Variants in AKAP9 observed in about 807,000 individuals in gnomAD.
AKAP9 encodes the protein A-kinase anchoring protein 9.
A neutral mutation model predicts 488.5 loss-of-function variants in AKAP9; 311 were observed. That is an observed-to-expected ratio of 0.64 (90% CI 0.58 to 0.70). The LOEUF (loss-of-function observed/expected upper bound fraction) is 0.70. AKAP9 is among the 30% of genes least tolerant of loss of function. AKAP9 has a pLI of 0.00. For missense variants in AKAP9, 4,215 were observed against 4,374.5 expected (o/e 0.96, Z 1.03); for synonymous variants, 1,462 against 1,483.5 (o/e 0.99, Z 0.33).
intron 14 of AKAP9, 89 bp downstream of exon 14, chr7:92,023,098 C>T: frequency 7.2e-7 from 1 of 1,398,088 alleles, no homozygotes; most frequent in African/African-American, 1.4e-5. Flanking sequence ...AAAAAAGTAA[C>T]TTAAGCAAAG....
chr7:91,960,925 A>G (rs1463585317), intron 1 of AKAP9, among the ~76,000 whole-genome samples: 1 of 152,212 alleles, frequency 6.6e-6, no homozygotes, highest in Non-Finnish European at 1.5e-5. Flanking sequence ...CTCCTTAAAT[A>G]TATATAGGAC....
At chr7:92,054,412 T>G (rs116900723) in intron 22 of AKAP9, among the ~76,000 whole-genome samples, 271 of 152,236 alleles carry the variant, frequency 1.8e-3, no homozygotes, top group Middle Eastern at 3.4e-3. Flanking sequence ...TGTAATATCT[T>G]TGCGTTTTCA....
chr7:92,046,708 A>C (rs1807067198), intron 21 of AKAP9, among the ~76,000 whole-genome samples: 1 of 152,158 alleles, frequency 6.6e-6, no homozygotes, highest in African/African-American at 2.4e-5. Flanking sequence ...CTGCATATGG[A>C]TCTTTATAGA....
Position 92,001,541 on chromosome 7 carries a change from G to A in AKAP9, c.1624G>A (p.Glu542Lys). 1.2e-6 allele frequency: 2 copies of A among 1,613,818 alleles called. No homozygotes were observed. The highest frequency in any genetic ancestry group is 2.7e-5 in the African/African-American group (2 of 75,026). ...DLVEELSFSREQIQRARQTIA... is the reference protein window; with the variant it reads ...DLVEELSFSRKQIQRARQTIA... ...TGTTGAAGAATTGAGCTTTTCAAGG[G>A]AACAGATTCAGAGAGCTAGACAGAC... is the stretch of plus-strand genomic sequence containing the variant. Residue 542 changes from glutamate (E) to lysine (K), a missense_variant, in exon 8 of 50, where the codon GAA becomes AAA. By Grantham distance (56) the Glu-to-Lys change is moderately conservative (BLOSUM62 1). Transcript: ENST00000356239.
intron 31 of AKAP9, among the ~76,000 whole-genome samples, chr7:92,082,082 GCAC>G (rs1247762324): frequency 6.6e-6 from 1 of 151,964 alleles, no homozygotes; most frequent in Non-Finnish European, 1.5e-5. Context: ...CTACAGGTGT[GCAC>G]CACAACACCT....
intron 17 of AKAP9, among the ~76,000 whole-genome samples, 185 bp downstream of exon 17, chr7:92,038,957 G>A (rs1230639481): frequency 6.6e-6 from 1 of 152,206 alleles, no homozygotes; most frequent in East Asian, 1.9e-4. Flanking sequence ...CCAGGGTGGA[G>A]TGCAGTGGCA....
intron 28 of AKAP9, 48 bp downstream of exon 28, chr7:92,071,057 A>G (rs1340646479): frequency 4.1e-6 from 6 of 1,457,812 alleles, no homozygotes; most frequent in Non-Finnish European, 4.8e-6. Context: ...AATTATTTTA[A>G]ATCAGTTACC....
At chr7:92,040,245 G>A (rs1272742487) in intron 17 of AKAP9, among the ~76,000 whole-genome samples, 2 of 152,118 alleles carry the variant, frequency 1.3e-5, no homozygotes, top group African/African-American at 4.8e-5. Flanking sequence ...TAACCACTGT[G>A]TAAATTAAAT....
chr7:91,957,896 A>G (rs1562894725), intron 1 of AKAP9, among the ~76,000 whole-genome samples: 1 of 151,508 alleles, frequency 6.6e-6, no homozygotes, highest in African/African-American at 2.4e-5. Flanking sequence ...CTATTTTCAG[A>G]AAAAAAAATA....
intron 1 of AKAP9, among the ~76,000 whole-genome samples, chr7:91,960,176 G>A (rs965628810): frequency 6.6e-6 from 1 of 152,108 alleles, no homozygotes; most frequent in Non-Finnish European, 1.5e-5. Flanking sequence ...TCTATTTACT[G>A]CTATTTTTGA....
chr7:92,075,090 TAAA>T (rs113217081), intron 28 of AKAP9, among the ~76,000 whole-genome samples: 1 of 150,764 alleles, frequency 6.6e-6, no homozygotes, highest in Admixed American at 6.6e-5. Context: ...AGTCAAAAAT[TAAA>T]AAAAAAATAA....
chr7:92,098,386 T>C (rs1487749128), intron 43 of AKAP9, among the ~76,000 whole-genome samples, 172 bp downstream of exon 43: 1 of 152,168 alleles, frequency 6.6e-6, no homozygotes, highest in African/African-American at 2.4e-5. Context: ...GAGAAGATAA[T>C]GAAAGCTTAG....
intron 25 of AKAP9, 66 bp from the exon 26 acceptor site, chr7:92,066,357 GAAGT>G (rs1234435267): frequency 1.3e-6 from 2 of 1,570,536 alleles, no homozygotes; most frequent in Non-Finnish European, 1.7e-6. Context: ...CTCTAAAGGA[GAAGT>G]AAGAAATAAT....
At chr7:92,073,862 A>G (rs952888983) in intron 28 of AKAP9, among the ~76,000 whole-genome samples, 3 of 152,238 alleles carry the variant, frequency 2.0e-5, no homozygotes, top group Non-Finnish European at 4.4e-5. Flanking sequence ...CACAAGTCTT[A>G]CACAAAAATT....
At chr7:92,034,496 A>ATTTTTTT (rs1364779899) in intron 16 of AKAP9, among the ~76,000 whole-genome samples, 19 of 104,240 alleles carry the variant, frequency 1.8e-4, no homozygotes, top group Non-Finnish European at 2.6e-4. Flanking sequence ...ATATATATAT[A>ATTTTTTT]TATTTTTTTT....
At chr7:92,075,661 A>C (rs1812466405) in intron 28 of AKAP9, among the ~76,000 whole-genome samples, 1 of 152,240 alleles carries the variant, frequency 6.6e-6, no homozygotes, top group Admixed American at 6.5e-5. Flanking sequence ...CCTCATCTCT[A>C]AAATGGGGAT....
intron 2 of AKAP9, among the ~76,000 whole-genome samples, chr7:91,979,512 A>G (rs1796123273): frequency 6.6e-6 from 1 of 152,220 alleles, no homozygotes; most frequent in Non-Finnish European, 1.5e-5. Flanking sequence ...CAGCCAAACC[A>G]TATCAAGAGT....
chr7:92,102,905 C>T (rs1385612180), intron 46 of AKAP9, 79 bp downstream of exon 46: 1 of 1,250,878 alleles, frequency 8.0e-7, no homozygotes, highest in Non-Finnish European at 1.2e-6. Context: ...CCTCTATTCT[C>T]TGCTGGTTAT....
intron 43 of AKAP9, 64 bp from the exon 44 acceptor site, chr7:92,099,623 A>C: frequency 1.3e-6 from 2 of 1,511,758 alleles, no homozygotes; most frequent in Non-Finnish European, 9.2e-7. Flanking sequence ...GCCTATTCAC[A>C]CTTTATATGC....
Sources: gnomAD v4.1 joint callset for allele counts (sites outside exome capture counted in the v4.1 genomes callset) on GRCh38, gnomAD v4.1.1 for gene constraint, MANE v1.5 for transcripts, NCBI Gene and HGNC (gene_info 2026-07-23, HGNC 2026-07-21) for gene names.